Variants in MAP2K5 observed in about 807,000 individuals in gnomAD.
MAP2K5 encodes dual specificity mitogen-activated protein kinase kinase 5.
MAP2K5 carries 49 observed loss-of-function variants against 83.1 expected under a neutral mutation model. The ratio of observed to expected loss-of-function variants is 0.59; its 90% CI spans 0.47 to 0.75. MAP2K5 has a LOEUF of 0.75. Among genes scored for constraint, MAP2K5 ranks in the 30% least tolerant of loss-of-function variants. MAP2K5 has a pLI of 0.00. For missense variants in MAP2K5, 457 were observed against 557.5 expected, an observed-to-expected ratio of 0.82 and a Z score of 1.82; for synonymous variants, 202 against 191.8, an observed-to-expected ratio of 1.05 and a Z score of -0.44.
intron 17 of MAP2K5, among the ~76,000 whole-genome samples, chr15:67,742,840 G>A (rs1596893695): frequency 6.6e-6 from 1 of 152,230 alleles, no homozygotes; most frequent in Non-Finnish European, 1.5e-5. Flanking sequence ...TGTGGGACAT[G>A]AGCTATGTCA....
At chr15:67,799,921 C>T (rs2090671433) in intron 21 of MAP2K5, among the ~76,000 whole-genome samples, 1 of 152,050 alleles carries the variant, frequency 6.6e-6, no homozygotes, top group Non-Finnish European at 1.5e-5. Context: ...GGGGCCCTTG[C>T]TGTCACTCCA....
chr15:67,646,557 A>G, intron 11 of MAP2K5, 88 bp downstream of exon 11: 1 of 628,568 alleles, frequency 1.6e-6, no homozygotes, highest in Non-Finnish European at 2.6e-6. Flanking sequence ...TATCAAATAG[A>G]ATTAAAGATA....
At chr15:67,590,692 G>A (rs2085389297) in intron 6 of MAP2K5, among the ~76,000 whole-genome samples, 1 of 151,980 alleles carries the variant, frequency 6.6e-6, no homozygotes, top group Admixed American at 6.6e-5. Flanking sequence ...GGGCTCAAGC[G>A]ATCCTCCTTC....
At chr15:67,663,742 G>A (rs1038882846) in intron 12 of MAP2K5, among the ~76,000 whole-genome samples, 1 of 152,064 alleles carries the variant, frequency 6.6e-6, no homozygotes, top group Non-Finnish European at 1.5e-5. Flanking sequence ...GGGTATGGTG[G>A]TGTGCACCTG....
Position 67,715,458 on chromosome 15 carries a change from T to C in MAP2K5, c.1044+12050T>C, listed in dbSNP as rs547565131. 8.6e-4 allele frequency among the ~76,000 whole-genome samples: 131 copies of C among 152,276 alleles called. 3 individuals are homozygous for C. The South Asian group carries it at 0.027, about 31-fold the overall frequency. ...AAGTGTTTCCCACTGAATAAAGCAT[T>C]GTTGAGTTTGCTTTGTGTTCAGAGC... is the stretch of plus-strand genomic sequence containing the variant. On this transcript the variant is annotated intron_variant, in intron 16 of 21. Coordinates refer to ENST00000178640, the MANE Select transcript of MAP2K5 (RefSeq NM_145160.3).
intron 17 of MAP2K5, among the ~76,000 whole-genome samples, chr15:67,740,248 A>T (rs1404634746): frequency 6.6e-6 from 1 of 152,202 alleles, no homozygotes; most frequent in African/African-American, 2.4e-5. Context: ...TAATAAACAT[A>T]TATGAAATCG....
At position 67,651,936 on chromosome 15, in the gene MAP2K5, C is replaced by G. The variant is rs577312249; in HGVS notation, c.736+5467C>G. Among the ~76,000 whole-genome samples, 17 of 152,242 alleles carry G rather than the reference C, an allele frequency of 1.1e-4. No homozygotes were observed. In the East Asian group the frequency reaches 2.9e-3, roughly 26 times the overall value. The stretch of plus-strand genomic sequence containing the variant: ...TATTTTTAGTTTTTTTGAGGAATTT[C>G]CATACTGTTTTCCATGGTAGCTGTA... On this transcript the variant is annotated intron_variant, in intron 11 of 21. Transcript: ENST00000178640.
At position 67,638,275 on chromosome 15, in the gene MAP2K5, A is replaced by T. The variant is rs547770385; in HGVS notation, c.585+7348A>T. ...GTGTGGTGTTTCCCTCTATGTGTCCATGTGTTCTCATAAGTTAGCTCCCAC... is the reference window on the plus strand; with the variant it reads ...GTGTGGTGTTTCCCTCTATGTGTCCTTGTGTTCTCATAAGTTAGCTCCCAC... On this transcript the variant is annotated intron_variant, in intron 9 of 21. Coordinates refer to ENST00000178640, the MANE Select transcript of MAP2K5 (RefSeq NM_145160.3). This position sits in a 1 kb window ranked among gnomAD's most constrained non-coding sequence, Gnocchi z 4.5. Among the ~76,000 whole-genome samples, 4 of 152,252 alleles carry T rather than the reference A, an allele frequency of 2.6e-5. No homozygotes were observed. In the South Asian group the frequency reaches 8.3e-4, roughly 32 times the overall value.
At chr15:67,564,234 T>C (rs1042963608) in intron 3 of MAP2K5, among the ~76,000 whole-genome samples, 4 of 152,222 alleles carry the variant, frequency 2.6e-5, no homozygotes, top group African/African-American at 7.2e-5. Flanking sequence ...TGGATAATAA[T>C]ACTTGTCCTT....
In MAP2K5 at chr15:67,758,609, C is replaced by CT. The variant is rs368515921; in HGVS notation, c.1134+10017dup. Among the ~76,000 whole-genome samples, 22 of 151,478 alleles carry CT rather than the reference C, an allele frequency of 1.5e-4. No homozygotes were observed. Among genetic ancestry groups the CT allele is most frequent in the South Asian group, 1.3e-3 (6 of 4,766 alleles). ...TGACATTTATGCATAAATCTCAACA[C>CT]TTTTTTTTTCAAGACCTCAGAAATA... On this transcript the variant is annotated intron_variant, in intron 19 of 21. Transcript: ENST00000178640. This position sits in a 1 kb window ranked among gnomAD's most constrained non-coding sequence, Gnocchi z 4.7.
intron 17 of MAP2K5, among the ~76,000 whole-genome samples, chr15:67,735,337 G>A (rs2089315794): frequency 6.6e-6 from 1 of 152,202 alleles, no homozygotes; most frequent in South Asian, 2.1e-4. Flanking sequence ...CTTCAATTGA[G>A]ATATCTGTAT....
rs1035955904 is a variant in MAP2K5 at position 67,644,019 on chromosome 15, A to G, written c.586-2212A>G. 2.6e-5 allele frequency among the ~76,000 whole-genome samples: 4 copies of G among 152,232 alleles called. No individual in the cohort carries two copies. Among genetic ancestry groups the G allele is most frequent in the African/African-American group, 9.6e-5 (4 of 41,456 alleles). ...AATTCTGAATGTTAAGTTTTTATCT[A>G]GAAATGTCTAGAGCCAGAAACTCTG... is the stretch of plus-strand genomic sequence containing the variant. On this transcript the variant is annotated intron_variant, in intron 9 of 21. Transcript: ENST00000178640. The surrounding 1 kb of genome is among the most constrained non-coding windows in gnomAD (Gnocchi z 4.6).
intron 4 of MAP2K5, among the ~76,000 whole-genome samples, chr15:67,584,672 CTTTTTTTTTT>C (rs36111747): frequency 1.0e-4 from 11 of 106,104 alleles, no homozygotes; most frequent in Non-Finnish European, 1.3e-4. Context: ...ATATCTTCTC[CTTTTTTTTTT>C]TTTTTTTTTT....
chr15:67,629,257 A>G (rs566699615), intron 8 of MAP2K5: 60 of 597,180 alleles, frequency 1.0e-4, no homozygotes, highest in African/African-American at 9.0e-4. Context: ...AGCTGCTACA[A>G]AGAAGACATG....
intron 9 of MAP2K5, 107 bp from the exon 10 acceptor site, chr15:67,646,124 G>A (rs2086826284): frequency 1.8e-6 from 1 of 545,900 alleles, no homozygotes; most frequent in African/African-American, 1.9e-5. Flanking sequence ...GAAGAAGGAG[G>A]TGGGGAAGAA....
intron 7 of MAP2K5, among the ~76,000 whole-genome samples, chr15:67,597,383 C>T (rs1028261402): frequency 6.6e-6 from 1 of 152,090 alleles, no homozygotes; most frequent in African/African-American, 2.4e-5. Context: ...TAGGAATGTC[C>T]CTCCATACTT....
rs79525259 is a variant in MAP2K5 at position 67,692,713 on chromosome 15, G to A, written c.921+161G>A. Among the ~76,000 whole-genome samples the A allele has an allele frequency of 3.6e-3, 544 of 152,218 alleles. 1 individual carries two copies. The highest frequency in any genetic ancestry group is 0.012 in the African/African-American group (512 of 41,524). ...TGTTATTCATTTTTAATCTCTGAGC[G>A]AGTTTCCTTCATCAGAATATGATTG... On this transcript the variant is annotated intron_variant, in intron 14 of 21. Transcript: ENST00000178640.
chr15:67,641,533 C>T (rs1413977045), intron 9 of MAP2K5: 1 of 998,012 alleles, frequency 1.0e-6, no homozygotes, highest in Non-Finnish European at 1.2e-6. Flanking sequence ...TTTTAATAGC[C>T]TCACACTAAT....
chr15:67,681,365 G>A (rs975961717), intron 13 of MAP2K5, among the ~76,000 whole-genome samples: 8 of 152,200 alleles, frequency 5.3e-5, no homozygotes, highest in Admixed American at 1.3e-4. Context: ...ACACCCACAC[G>A]TACATGTATG....
Sources: allele counts gnomAD v4.1 joint callset (sites outside exome capture counted in the v4.1 genomes callset), GRCh38; gene constraint gnomAD v4.1.1; non-coding constraint Gnocchi (gnomAD v3.1); transcripts MANE v1.5; gene names NCBI Gene and HGNC (gene_info 2026-07-23, HGNC 2026-07-21).